Variants in FAM161A observed in about 807,000 individuals in gnomAD.
FAM161A encodes FAM161 centrosomal protein A.
Under a neutral mutation model 70.9 loss-of-function variants are expected in FAM161A, and 57 were observed. That is an observed-to-expected ratio of 0.80 (90% CI 0.65 to 1.00). The LOEUF (loss-of-function observed/expected upper bound fraction) is 1.00. FAM161A is among the 50% of genes least tolerant of loss of function. The probability of loss-of-function intolerance (pLI) is 0.00; values close to 1 mark genes in which losing one functional copy is unlikely to be tolerated. For missense variants in FAM161A, 880 were observed against 836.0 expected (o/e 1.05, Z -0.65); for synonymous variants, 299 against 295.7 (o/e 1.01, Z -0.12).
chr2:61,808,060 A>G, the FAM161A span, among the ~76,000 whole-genome samples: 2 of 152,144 alleles, frequency 1.3e-5, no homozygotes, highest in African/African-American at 4.8e-5. Context: ...AGGATTGGGT[A>G]CAAGGATTTA....
At chr2:61,816,848 C>T in the FAM161A span, among the ~76,000 whole-genome samples, 1 of 152,154 alleles carries the variant, frequency 6.6e-6, no homozygotes, top group African/African-American at 2.4e-5. Context: ...AGTCACTCTT[C>T]ACTCTAGCCA....
chr2:61,822,474 C>T (rs1310715132), downstream of FAM161A, among the ~76,000 whole-genome samples: 4 of 152,194 alleles, frequency 2.6e-5, no homozygotes, highest in Non-Finnish European at 4.4e-5. Flanking sequence ...AACTTCATTT[C>T]ACAATAACTT....
intron 2 of FAM161A, 74 bp from the exon 3 acceptor site, chr2:61,840,655 T>A: frequency 8.3e-7 from 1 of 1,202,444 alleles, no homozygotes; most frequent in South Asian, 1.3e-5. Context: ...GTTACATATT[T>A]TCTTTTTTTT....
At chr2:61,801,760 C>A in the FAM161A span, among the ~76,000 whole-genome samples, 1 of 151,846 alleles carries the variant, frequency 6.6e-6, no homozygotes, top group African/African-American at 2.4e-5. Context: ...GGGGTTTCAC[C>A]ATGTTGGCCA....
At chr2:61,837,464 G>A (rs1431885033) in intron 4 of FAM161A, among the ~76,000 whole-genome samples, 1 of 152,140 alleles carries the variant, frequency 6.6e-6, no homozygotes, top group Non-Finnish European at 1.5e-5. Context: ...TTATACACAA[G>A]TTGGTGTTAT....
chr2:61,834,575 G>A (rs1672702622), intron 5 of FAM161A, among the ~76,000 whole-genome samples: 1 of 151,410 alleles, frequency 6.6e-6, no homozygotes, highest in African/African-American at 2.4e-5. Flanking sequence ...CAATTCTCCT[G>A]CCTCAGCCTC....
rs767214705 is a variant in FAM161A at position 61,839,542 on chromosome 2, A to C, written c.1462T>G (p.Trp488Gly). ...TTACGCCTTGGAGACAAATAAGGCC[A>C]ACGTGTTTCTTTTAAATTTTCTTCA... ...ADEENLKETR[W>G]PYLSPRRKSP... Residue 488 changes from tryptophan to glycine, a missense_variant, in exon 3 of 7, where the codon TGG becomes GGG. Transcript: ENST00000404929. The C allele has an allele frequency of 1.1e-5, 17 of 1,614,106 alleles. No individual in the cohort carries two copies. In the Admixed American group the frequency reaches 2.8e-4, roughly 27 times the overall value.
In FAM161A at chr2:61,840,456, T is replaced by C; in HGVS notation, c.548A>G (p.Lys183Arg). 6.2e-7 allele frequency: 1 copy of C among 1,614,054 alleles called. No homozygotes were observed. The part of the protein sequence containing the change: ...SSEEELPNLE[K>R]EYPRKNRMMT... Reference sequence around the variant, plus strand: ...CATTCTGTTTTTCCTAGGATACTCTTTTTCTAGGTTGGGTAACTCCTCTTC... The same window carrying C: ...CATTCTGTTTTTCCTAGGATACTCTCTTTCTAGGTTGGGTAACTCCTCTTC... The change falls in exon 3 of 7, where the codon AAA becomes AGA. Residue 183 changes from lysine (K) to arginine (R), a missense_variant. Lys to Arg is a conservative substitution (Grantham distance 26, BLOSUM62 2). Transcript: ENST00000404929.
chr2:61,833,644 G>C (rs1214169352), intron 5 of FAM161A, among the ~76,000 whole-genome samples: 3 of 152,152 alleles, frequency 2.0e-5, no homozygotes, highest in Admixed American at 2.0e-4. Flanking sequence ...CTAGTAGATA[G>C]AGTCTGTAAT....
chr2:61,821,655 C>A (rs1411075553), downstream of FAM161A, among the ~76,000 whole-genome samples: 2 of 152,044 alleles, frequency 1.3e-5, no homozygotes, highest in Non-Finnish European at 2.9e-5. Flanking sequence ...TGGTCTTGAA[C>A]TCCTGGACTC....
chr2:61,804,888 C>T, the FAM161A span, among the ~76,000 whole-genome samples: 650 of 152,112 alleles, frequency 4.3e-3, 4 homozygotes, highest in African/African-American at 0.015. Context: ...CTAAAGATAA[C>T]CTCCTAACAG....
chr2:61,813,805 A>G, the FAM161A span, among the ~76,000 whole-genome samples: 30 of 152,100 alleles, frequency 2.0e-4, no homozygotes, highest in African/African-American at 7.0e-4. Context: ...AGTGTGCTTG[A>G]TTATTATGGA....
chr2:61,830,633 G>C (rs3863956), intron 5 of FAM161A, among the ~76,000 whole-genome samples: 2 of 144,512 alleles, frequency 1.4e-5, no homozygotes. Flanking sequence ...GCAGTGAGCC[G>C]AGATCACGCC....
rs1672371025 is a variant in FAM161A, at chr2:61,826,476, T to C, written c.2130A>G (p.Lys710=). The stretch of plus-strand genomic sequence containing the variant: ...TGATTCAGTGTGATTCTTCAACAGA[T>C]TTCTCTTCTTCACTTTCCTCATTGG... ...DEANEESEEE[K]SVEESH is the part of the protein sequence containing the mutation. The change falls in exon 7 of 7, where the codon AAA becomes AAG. Residue 710 remains lysine (K), a synonymous_variant. Coordinates refer to ENST00000404929, the MANE Select transcript of FAM161A (RefSeq NM_001201543.2). The C allele has an allele frequency of 6.2e-7, 1 of 1,610,796 alleles. No homozygotes were observed. Among genetic ancestry groups the C allele is most frequent in the Non-Finnish European group, 8.5e-7 (1 of 1,178,120 alleles).
rs545094027 is a variant in FAM161A at position 61,837,914 on chromosome 2, A to G, written c.1751+624T>C. Reference sequence around the variant, plus strand: ...AAGCACATATGCATATTTAGAAATCAGATTAAAAAGTAATAAATCACATTA... The same window carrying G: ...AAGCACATATGCATATTTAGAAATCGGATTAAAAAGTAATAAATCACATTA... On this transcript the variant is annotated intron_variant, in intron 4 of 6. Transcript: ENST00000404929. Among the ~76,000 whole-genome samples, 30 of 152,348 alleles carry G rather than the reference A, an allele frequency of 2.0e-4. No homozygotes were observed. In the East Asian group the frequency reaches 5.6e-3, roughly 28 times the overall value.
Position 61,825,182 on chromosome 2 carries a change from T to G in FAM161A, c.*1273A>C. On this transcript the variant is annotated 3_prime_UTR_variant, in exon 7 of 7. Coordinates refer to ENST00000404929, the MANE Select transcript of FAM161A (RefSeq NM_001201543.2). ...AGAAAATGTCTTATGCTATATTATC[T>G]TTATGATTGGCTTCAAATTTTAAAA... 2.3e-6 allele frequency: 1 copy of G among 437,548 alleles called. No individual in the cohort carries two copies. Among genetic ancestry groups the G allele is most frequent in the African/African-American group, 2.0e-5 (1 of 49,044 alleles). 27.1% of individuals were successfully genotyped at this position (437,548 alleles called of 1,614,324 possible). A position where few individuals can be genotyped will look rare whatever the true frequency, so the allele number is the denominator to read the frequency against.
At position 61,826,270 on chromosome 2, in the gene FAM161A, A is replaced by G; in HGVS notation, c.*185T>C. 1.4e-6 allele frequency: 1 copy of G among 717,856 alleles called. No homozygotes were observed. Among genetic ancestry groups the G allele is most frequent in the Non-Finnish European group, 2.5e-6 (1 of 396,988 alleles). The allele number at this position is 717,856 out of a possible 1,614,324, so 44.5% of individuals were successfully genotyped here. A position where few individuals can be genotyped will look rare whatever the true frequency, so the allele number is the denominator to read the frequency against. ...ATGATTTTTAAAACTGAATAGGCAA[A>G]GCCTTACTCTAACTGATCAAATGAC... On this transcript the variant is annotated 3_prime_UTR_variant, in exon 7 of 7. Coordinates refer to ENST00000404929, the MANE Select transcript of FAM161A (RefSeq NM_001201543.2).
chr2:61,840,513 C>T lies in FAM161A; in HGVS notation c.491G>A (p.Gly164Asp). 5.0e-6 allele frequency: 8 copies of T among 1,613,870 alleles called. No individual in the cohort carries two copies. Among genetic ancestry groups the T allele is most frequent in the Non-Finnish European group, 5.9e-6 (7 of 1,179,862 alleles). Residue 164 changes from glycine to aspartate, a missense_variant, in exon 3 of 7, where the codon GGC becomes GAC. Coordinates refer to ENST00000404929, the MANE Select transcript of FAM161A (RefSeq NM_001201543.2). ...LMTSFSEPDLGQSSSLYVSSS... is the reference protein window; with the variant it reads ...LMTSFSEPDLDQSSSLYVSSS... Reference sequence around the variant, plus strand: ...GGACACATACAAGGAGGAAGACTGGCCTAAATCAGGCTCTGAAAATGATGT... The same window carrying T: ...GGACACATACAAGGAGGAAGACTGGTCTAAATCAGGCTCTGAAAATGATGT...
intron 5 of FAM161A, among the ~76,000 whole-genome samples, chr2:61,833,251 C>T (rs987172890): frequency 2.0e-5 from 3 of 151,756 alleles, no homozygotes; most frequent in Non-Finnish European, 2.9e-5. Flanking sequence ...GGTGAAACCT[C>T]GTCTCTACTA....
Sources: gnomAD v4.1 joint callset for allele counts (sites outside exome capture counted in the v4.1 genomes callset) on GRCh38, gnomAD v4.1.1 for gene constraint, MANE v1.5 for transcripts, NCBI Gene and HGNC (gene_info 2026-07-23, HGNC 2026-07-21) for gene names.